The following ACSF3 variants were observed in gnomAD, a reference collection of about 807,000 sequenced individuals.
The protein encoded by ACSF3 is acyl-CoA synthetase family member 3.
ACSF3 carries 78 observed loss-of-function variants against 53.2 expected under a neutral mutation model. That is an observed-to-expected ratio of 1.47 (90% confidence interval 1.22 to 1.77). The LOEUF (loss-of-function observed/expected upper bound fraction) is 1.77. ACSF3 is among the 40% of genes most tolerant of loss of function. The probability of loss-of-function intolerance (pLI) is 0.00; values close to 1 mark genes in which losing one functional copy is unlikely to be tolerated. For missense variants in ACSF3, 937 were observed against 771.1 expected, an observed-to-expected ratio of 1.22 and a Z score of -2.55; for synonymous variants, 414 against 333.1, an observed-to-expected ratio of 1.24 and a Z score of -2.65.
intron 2 of ACSF3, 52 bp downstream of exon 2, chr16:89,098,815 C>T (rs1288349498): frequency 4.4e-6 from 2 of 453,834 alleles, no homozygotes; most frequent in Admixed American, 2.3e-5. Flanking sequence ...CAAGTGGTTG[C>T]CTTGTTTGTT....
chr16:89,137,226 A>C (rs1270892880), intron 8 of ACSF3, among the ~76,000 whole-genome samples: 4 of 149,420 alleles, frequency 2.7e-5, no homozygotes, highest in Admixed American at 1.3e-4. Context: ...GAGAAGAGCC[A>C]GGGATCCCGG....
At chr16:89,118,136 A>AC (rs1186434371) in intron 6 of ACSF3, among the ~76,000 whole-genome samples, 2 of 132,344 alleles carry the variant, frequency 1.5e-5, no homozygotes, top group African/African-American at 3.0e-5. Flanking sequence ...GGCGCCGGGG[A>AC]CGCTCTCTCT....
chr16:89,118,534 G>A (rs72817465), intron 6 of ACSF3, among the ~76,000 whole-genome samples: 5,412 of 149,212 alleles, frequency 0.036, 151 homozygotes, highest in East Asian at 0.14. Context: ...GCTTGGCCTC[G>A]CTGCTCAGTG....
chr16:89,107,616 C>T (rs1164758475), intron 4 of ACSF3, among the ~76,000 whole-genome samples: 1 of 152,224 alleles, frequency 6.6e-6, no homozygotes, highest in Non-Finnish European at 1.5e-5. Context: ...CTTATCCATT[C>T]TGCTCTTGAA....
intron 8 of ACSF3, among the ~76,000 whole-genome samples, chr16:89,144,281 C>T (rs891730250): frequency 1.4e-4 from 22 of 152,244 alleles, no homozygotes; most frequent in African/African-American, 4.8e-4. Context: ...ACAGGAGCTC[C>T]AGGAACTGCA....
intron 4 of ACSF3, among the ~76,000 whole-genome samples, chr16:89,106,658 T>TC (rs1976024082): frequency 6.6e-6 from 1 of 152,216 alleles, no homozygotes. Context: ...TTCCATAAAC[T>TC]CCAAGTTTCA....
chr16:89,109,855 G>A (rs1020742663), intron 4 of ACSF3, among the ~76,000 whole-genome samples: 6 of 152,202 alleles, frequency 3.9e-5, no homozygotes, highest in South Asian at 2.1e-4. Context: ...CCAAAGTGCC[G>A]GGATTACGGG....
At chr16:89,135,168 A>T (rs1178570681) in intron 8 of ACSF3, among the ~76,000 whole-genome samples, 1 of 147,616 alleles carries the variant, frequency 6.8e-6, no homozygotes, top group Non-Finnish European at 1.5e-5. Context: ...AAAGAGGCCC[A>T]TTTTCATGCA....
Position 89,145,978 on chromosome 16 carries a change from G to T in ACSF3, c.1542G>T (p.Gln514His). 1 of 1,614,126 alleles carries T rather than the reference G, an allele frequency of 6.2e-7. No individual in the cohort carries two copies. Among genetic ancestry groups the T allele is most frequent in the Non-Finnish European group, 8.5e-7 (1 of 1,180,004 alleles). The change falls in exon 10 of 11, where the codon CAG (glutamine) becomes CAT (histidine). Residue 514 changes from glutamine to histidine, a missense_variant. Transcript: ENST00000614302. ...GAGTTCCGGATATGACATGGGGCCA[G>T]CGGGTCACTGCTGTGGTGACCCTCC... ...VIGVPDMTWG[Q>H]RVTAVVTLRE...
At chr16:89,112,283 C>G in intron 5 of ACSF3, 37 bp downstream of exon 5, 3 of 1,610,090 alleles carry the variant, frequency 1.9e-6, no homozygotes, top group Non-Finnish European at 2.5e-6. Flanking sequence ...TTCAGAAAGT[C>G]TTAAAGATCA....
intron 1 of ACSF3, among the ~76,000 whole-genome samples, chr16:89,094,770 C>T (rs1974417317): frequency 6.6e-6 from 1 of 152,180 alleles, no homozygotes; most frequent in Non-Finnish European, 1.5e-5. Flanking sequence ...TGGCGTACAC[C>T]TGCACTTCCA....
intron 8 of ACSF3, chr16:89,141,148 C>T: frequency 7.8e-7 from 1 of 1,287,244 alleles, no homozygotes. Context: ...GGGTGTCCGA[C>T]CCGCTCTTGC....
rs1241753791 is a variant in ACSF3, at chr16:89,114,343, A to G, written c.982A>G (p.Met328Val). 2 of 1,613,870 alleles carry G rather than the reference A, an allele frequency of 1.2e-6. No individual in the cohort carries two copies. Among genetic ancestry groups the G allele is most frequent in the Admixed American group, 3.3e-5 (2 of 60,008 alleles). Residue 328 changes from methionine (M) to valine (V), a missense_variant, in exon 6 of 11, where the codon ATG becomes GTG. By Grantham distance (21) the Met-to-Val change is conservative. Coordinates refer to ENST00000614302, the MANE Select transcript of ACSF3 (RefSeq NM_001243279.3). Reference sequence around the variant, plus strand: ...GCCTTTGGTTGTGCCGCGTAGGCTGATGGTCTCAGGCTCAGCTGCCCTGCC... The same window carrying G: ...GCCTTTGGTTGTGCCGCGTAGGCTGGTGGTCTCAGGCTCAGCTGCCCTGCC... ...RAVCEEKIRLMVSGSAALPLP... is the reference protein window; with the variant it reads ...RAVCEEKIRLVVSGSAALPLP...
chr16:89,100,853 G>A lies in ACSF3; in HGVS notation c.172G>A (p.Ala58Thr), dbSNP rs758856054. Residue 58 changes from alanine (A) to threonine (T), a missense_variant, in exon 3 of 11, where the codon GCC becomes ACC. By Grantham distance (58) the Ala-to-Thr change is moderately conservative. Coordinates refer to ENST00000614302, the MANE Select transcript of ACSF3 (RefSeq NM_001243279.3). ...TGCCCTGGCCTTTGGGGACAGAATC[G>A]CCCTGGTTGACCAGCACGGCCGCCA... ...TRALAFGDRI[A>T]LVDQHGRHTY... The A allele has an allele frequency of 2.5e-6, 4 of 1,613,524 alleles. No individual in the cohort carries two copies. The highest frequency in any genetic ancestry group is 1.1e-5 in the South Asian group (1 of 91,082).
chr16:89,099,713 C>T (rs755346601), intron 2 of ACSF3, among the ~76,000 whole-genome samples: 19 of 151,872 alleles, frequency 1.3e-4, no homozygotes, highest in Non-Finnish European at 2.6e-4. Context: ...ACCCAGGAGG[C>T]GGAGGTTACA....
At position 89,093,878 on chromosome 16, in the gene ACSF3, G is replaced by T; in HGVS notation, c.-312G>T. On this transcript the variant is annotated 5_prime_UTR_variant, in exon 1 of 11. Transcript: ENST00000614302. ...TTGGGCGCCGGAACTGGTCCGGCCCGACTCACGACCCCGCGGGACCCGGCC... is the reference window on the plus strand; with the variant it reads ...TTGGGCGCCGGAACTGGTCCGGCCCTACTCACGACCCCGCGGGACCCGGCC... 3.1e-6 allele frequency: 1 copy of T among 317,820 alleles called. No homozygotes were observed. Among genetic ancestry groups the T allele is most frequent in the South Asian group, 2.2e-5 (1 of 45,400 alleles). The allele number at this position is 317,820 out of a possible 1,614,324, so 19.7% of individuals were successfully genotyped here.
chr16:89,153,719 G>A (rs980270611), intron 10 of ACSF3: 8 of 338,238 alleles, frequency 2.4e-5, no homozygotes, highest in Non-Finnish European at 4.0e-5. Context: ...GGGCCACAGA[G>A]TGAAATGGGG....
chr16:89,134,674 C>T (rs1208074807), intron 8 of ACSF3, among the ~76,000 whole-genome samples: 1 of 152,234 alleles, frequency 6.6e-6, no homozygotes, highest in East Asian at 1.9e-4. Context: ...ATTGTCCCTC[C>T]TGCTGTGCTC....
chr16:89,107,436 T>C (rs938724525), intron 4 of ACSF3, among the ~76,000 whole-genome samples: 13 of 152,072 alleles, frequency 8.5e-5, no homozygotes, highest in African/African-American at 2.2e-4. Flanking sequence ...ACACGCGTGC[T>C]CTCCCCGCCT....
Sources: gnomAD v4.1 joint callset for allele counts (sites outside exome capture counted in the v4.1 genomes callset) on GRCh38, gnomAD v4.1.1 for gene constraint, MANE v1.5 for transcripts, NCBI Gene and HGNC (gene_info 2026-07-23, HGNC 2026-07-21) for gene names.